Variants in LARGE1 observed in about 807,000 individuals in gnomAD.
LARGE1 encodes xylosyl- and glucuronyltransferase LARGE1.
A neutral mutation model predicts 87.6 loss-of-function variants in LARGE1; 43 were observed. That is an observed-to-expected ratio of 0.49 (90% CI 0.38 to 0.63). The LOEUF (loss-of-function observed/expected upper bound fraction) is 0.63, where lower values mean the gene tolerates loss of function less well. LARGE1 is among the 30% of genes least tolerant of loss of function. The pLI is 0.00. For missense variants in LARGE1, 802 were observed against 1,000.2 expected (o/e 0.80, Z 2.67); for synonymous variants, 434 against 394.6 (o/e 1.10, Z -1.18).
intron 1 of LARGE1, among the ~76,000 whole-genome samples, chr22:33,844,653 T>C (rs2063378079): frequency 6.6e-6 from 1 of 151,968 alleles, no homozygotes. Context: ...CCGTGCGAAC[T>C]TGGGTATATC....
Position 33,730,005 on chromosome 22 carries a change from C to T in LARGE1, c.106+31366G>A, listed in dbSNP as rs141370849. Among the ~76,000 whole-genome samples the T allele has an allele frequency of 2.2e-3, 332 of 151,892 alleles. 2 individuals carry two copies. Among genetic ancestry groups the T allele is most frequent in the African/African-American group, 7.3e-3 (302 of 41,414 alleles). On this transcript the variant is annotated intron_variant, in intron 2 of 14. Coordinates refer to ENST00000397394, the MANE Select transcript of LARGE1 (RefSeq NM_133642.5). ...GCATGCGTGTGTGTGTGCGTGCATG[C>T]GTGCGTGTGTGTGTTGAGGGAGACA... is the stretch of plus-strand genomic sequence containing the variant.
intron 11 of LARGE1, among the ~76,000 whole-genome samples, chr22:33,254,647 A>G (rs931729651): frequency 1.3e-4 from 20 of 152,298 alleles, no homozygotes; most frequent in Non-Finnish European, 2.5e-4. Context: ...CTGTGGTTCA[A>G]TTTCCAATTC....
intron 2 of LARGE1, among the ~76,000 whole-genome samples, chr22:33,651,368 G>A (rs1237170326): frequency 7.3e-6 from 1 of 137,554 alleles, no homozygotes; most frequent in East Asian, 2.0e-4. Flanking sequence ...CTCCAGCCTG[G>A]GCCAGAGTGA....
intron 7 of LARGE1, among the ~76,000 whole-genome samples, chr22:33,391,930 C>T (rs1040643483): frequency 1.6e-4 from 24 of 151,868 alleles, no homozygotes; most frequent in African/African-American, 5.5e-4. Context: ...CCACCACACC[C>T]AGCTAATTTT....
chr22:33,743,395 C>T (rs2083961852), intron 2 of LARGE1, among the ~76,000 whole-genome samples: 2 of 152,186 alleles, frequency 1.3e-5, no homozygotes, highest in Admixed American at 1.3e-4. Flanking sequence ...ACCTCTCTGC[C>T]AGTATCCATT....
At chr22:33,224,270 G>C (rs1925612281) in intron 11 of LARGE1, among the ~76,000 whole-genome samples, 1 of 150,660 alleles carries the variant, frequency 6.6e-6, no homozygotes, top group African/African-American at 2.4e-5. Context: ...TGTCTCAAAA[G>C]AAAAAGAAAA....
chr22:33,768,172 G>C (rs987345751), intron 1 of LARGE1, among the ~76,000 whole-genome samples: 1 of 152,148 alleles, frequency 6.6e-6, no homozygotes, highest in Non-Finnish European at 1.5e-5. Flanking sequence ...AGCCAGGCGT[G>C]GTGGCAGGTG....
intron 6 of LARGE1, among the ~76,000 whole-genome samples, chr22:33,434,907 A>T (rs2067211359): frequency 6.6e-6 from 1 of 152,156 alleles, no homozygotes; most frequent in Admixed American, 6.5e-5. Flanking sequence ...TTTTATGAAT[A>T]AGCCCAAGTC....
At position 33,761,378 on chromosome 22, in the gene LARGE1, G is replaced by A. The variant is rs377353667; in HGVS notation, c.99C>T (p.Ser33=). 6.3e-5 allele frequency: 102 copies of A among 1,612,880 alleles called. No individual in the cohort carries two copies. The highest frequency in any genetic ancestry group is 8.2e-5 in the Non-Finnish European group (97 of 1,179,240). ...TTTGGCTTCCATTCTTACCTTCGAA[G>A]CTCCCAGAAAACAGGTAAATCCAGG... The part of the protein sequence containing the change: ...AITWIYLFSG[S]FEDGKPVSLS... Residue 33 remains serine (S), a synonymous_variant, in exon 2 of 15, where the codon AGC becomes AGT. Transcript: ENST00000397394.
intron 6 of LARGE1, among the ~76,000 whole-genome samples, chr22:33,518,067 G>A (rs1009704240): frequency 1.3e-5 from 2 of 152,214 alleles, no homozygotes; most frequent in South Asian, 4.1e-4. Flanking sequence ...ACCAGGATTT[G>A]ACTTGAGGAA....
chr22:33,579,729 T>TG (rs1307522668), intron 5 of LARGE1, among the ~76,000 whole-genome samples: 2 of 152,118 alleles, frequency 1.3e-5, no homozygotes, highest in Non-Finnish European at 2.9e-5. Context: ...TCATCCAGAG[T>TG]GGCCCCTAGC....
chr22:33,829,669 C>A (rs2062909067), intron 1 of LARGE1, among the ~76,000 whole-genome samples: 1 of 152,162 alleles, frequency 6.6e-6, no homozygotes, highest in Non-Finnish European at 1.5e-5. Flanking sequence ...ACTACTAAAA[C>A]CCCTCCTCCT....
At chr22:33,367,743 A>G (rs2064649252) in intron 9 of LARGE1, among the ~76,000 whole-genome samples, 1 of 152,176 alleles carries the variant, frequency 6.6e-6, no homozygotes, top group African/African-American at 2.4e-5. Context: ...AACGTTGTTT[A>G]TATTAATATA....
intron 12 of LARGE1, among the ~76,000 whole-genome samples, chr22:33,287,885 G>T (rs1275731160): frequency 6.6e-6 from 1 of 152,208 alleles, no homozygotes; most frequent in Admixed American, 6.5e-5. Context: ...GGACAGTCAG[G>T]TGTAGTGGTC....
At chr22:33,275,422 A>G (rs1350395483) in intron 14 of LARGE1, among the ~76,000 whole-genome samples, 1 of 152,240 alleles carries the variant, frequency 6.6e-6, no homozygotes, top group East Asian at 1.9e-4. Context: ...GCAGATAAGA[A>G]TAAACTCAGG....
At chr22:33,608,276 T>C (rs1020523336) in intron 4 of LARGE1, among the ~76,000 whole-genome samples, 1 of 152,236 alleles carries the variant, frequency 6.6e-6, no homozygotes, top group Non-Finnish European at 1.5e-5. Context: ...TTCTTATATT[T>C]GCTCTAATGC....
chr22:33,325,132 G>A (rs1408533413), intron 10 of LARGE1, among the ~76,000 whole-genome samples: 1 of 152,214 alleles, frequency 6.6e-6, no homozygotes, highest in African/African-American at 2.4e-5. Context: ...TCACTACAAT[G>A]CCTAGTTGGT....
chr22:33,678,599 A>C (rs1336992737), intron 2 of LARGE1, among the ~76,000 whole-genome samples: 1 of 152,156 alleles, frequency 6.6e-6, no homozygotes, highest in Non-Finnish European at 1.5e-5. Context: ...ACCTCAGCTC[A>C]AGTTCTATTT....
chr22:33,534,606 G>T (rs945423538), intron 6 of LARGE1, among the ~76,000 whole-genome samples: 1 of 152,208 alleles, frequency 6.6e-6, no homozygotes, highest in African/African-American at 2.4e-5. Context: ...TGCAATCCTA[G>T]GGCTGGGGTA....
Sources: gnomAD v4.1 joint callset for allele counts (sites outside exome capture counted in the v4.1 genomes callset) on GRCh38, gnomAD v4.1.1 for gene constraint, MANE v1.5 for transcripts, NCBI Gene and HGNC (gene_info 2026-07-23, HGNC 2026-07-21) for gene names.